Variants in PDS5B observed in about 807,000 individuals in gnomAD.
PDS5B encodes the protein sister chromatid cohesion protein PDS5 homolog B.
In PDS5B, 51 loss-of-function variants were observed where a neutral mutation model predicts 184.1. That is an observed-to-expected ratio of 0.28 (90% CI 0.22 to 0.35). PDS5B has a LOEUF of 0.35. Among genes scored for constraint, PDS5B ranks in the 10% least tolerant of loss-of-function variants. The pLI is 1.00. For synonymous variants in PDS5B, 566 were observed against 569.2 expected (o/e 0.99, Z 0.08); for missense variants, 1,180 against 1,723.3 (o/e 0.68, Z 5.58).
At chr13:32,658,153 G>T (rs1362812101) in intron 3 of PDS5B, 86 bp from the exon 4 acceptor site, 2 of 699,576 alleles carry the variant, frequency 2.9e-6, no homozygotes, top group Non-Finnish European at 5.0e-6. Flanking sequence ...ATGTACACAT[G>T]AGTGCTGAAT....
intron 10 of PDS5B, among the ~76,000 whole-genome samples, chr13:32,683,021 C>T: frequency 6.8e-6 from 1 of 146,690 alleles, no homozygotes; most frequent in Non-Finnish European, 1.5e-5. Context: ...AAAAAACTTT[C>T]TTTTTTTTTT....
chr13:32,688,438 T>A lies in PDS5B; in HGVS notation c.1356-18T>A, dbSNP rs1248085480. The A allele has an allele frequency of 7.7e-7, 1 of 1,295,716 alleles. No individual in the cohort carries two copies. Among genetic ancestry groups the A allele is most frequent in the African/African-American group, 1.5e-5 (1 of 67,440 alleles). 80.3% of individuals were successfully genotyped at this position (1,295,716 alleles called of 1,614,324 possible). A position where few individuals can be genotyped will look rare whatever the true frequency, so the allele number is the denominator to read the frequency against. On this transcript the variant is annotated intron_variant, in intron 12 of 34. Coordinates refer to ENST00000315596, the MANE Select transcript of PDS5B (RefSeq NM_015032.4). ...ATTAGAAAAAAATCAATACAATGCC[T>A]TCTCTGCTTTTTTGTAGACTACTTG...
intron 31 of PDS5B, among the ~76,000 whole-genome samples, chr13:32,769,294 C>T (rs910775762): frequency 2.0e-5 from 3 of 152,190 alleles, no homozygotes; most frequent in Admixed American, 6.5e-5. Flanking sequence ...ATACAGGAAG[C>T]TCAATTTAAA....
At chr13:32,735,844 G>C (rs1953311950) in intron 21 of PDS5B, among the ~76,000 whole-genome samples, 1 of 152,070 alleles carries the variant, frequency 6.6e-6, no homozygotes, top group Non-Finnish European at 1.5e-5. Flanking sequence ...ATGAGATAAA[G>C]TTTTTCCTCC....
At chr13:32,660,086 G>C (rs1392107392) in intron 6 of PDS5B, among the ~76,000 whole-genome samples, 1 of 151,860 alleles carries the variant, frequency 6.6e-6, no homozygotes, top group Non-Finnish European at 1.5e-5. Context: ...CTGGTGTGCT[G>C]TGGGTTCCTA....
At chr13:32,636,686 T>C (rs2058566317) in intron 1 of PDS5B, among the ~76,000 whole-genome samples, 5 of 152,272 alleles carry the variant, frequency 3.3e-5, no homozygotes, top group African/African-American at 1.2e-4. Context: ...TAACCTGCAT[T>C]GTGTTATGCA....
At chr13:32,661,821 T>C (rs1950657966) in intron 6 of PDS5B, among the ~76,000 whole-genome samples, 1 of 152,182 alleles carries the variant, frequency 6.6e-6, no homozygotes, top group Non-Finnish European at 1.5e-5. Context: ...CTAAACTGAT[T>C]ACTGACTTCT....
intron 7 of PDS5B, among the ~76,000 whole-genome samples, chr13:32,672,354 C>T (rs949137710): frequency 3.3e-5 from 5 of 152,018 alleles, no homozygotes; most frequent in Non-Finnish European, 7.4e-5. Context: ...TCTAGAGAAA[C>T]AGCCAATATT....
chr13:32,642,083 G>C (rs1015075522), intron 1 of PDS5B, among the ~76,000 whole-genome samples: 1 of 152,180 alleles, frequency 6.6e-6, no homozygotes, highest in Non-Finnish European at 1.5e-5. Flanking sequence ...TCATTCGTAA[G>C]TCGTTGAATC....
chr13:32,680,849 A>G (rs982397204), intron 10 of PDS5B, among the ~76,000 whole-genome samples: 1 of 151,948 alleles, frequency 6.6e-6, no homozygotes, highest in African/African-American at 2.4e-5. Context: ...CTGATTTTGA[A>G]TTTTTTTTAT....
Position 32,775,975 on chromosome 13 carries a change from A to G in PDS5B, c.*923A>G, listed in dbSNP as rs1018761991. 2 of 193,204 alleles carry G rather than the reference A, an allele frequency of 1.0e-5. No homozygotes were observed. Among genetic ancestry groups the G allele is most frequent in the African/African-American group, 4.8e-5 (2 of 41,930 alleles). The allele number at this position is 193,204 out of a possible 1,614,324, so 12.0% of individuals were successfully genotyped here. Reference sequence around the variant, plus strand: ...TTGAACGTTATGTTCAGAAAATGCAAATTACACTATAATATAAAACCTGAT... The same window carrying G: ...TTGAACGTTATGTTCAGAAAATGCAGATTACACTATAATATAAAACCTGAT... On this transcript the variant is annotated 3_prime_UTR_variant, in exon 35 of 35. Coordinates refer to ENST00000315596, the MANE Select transcript of PDS5B (RefSeq NM_015032.4).
intron 1 of PDS5B, among the ~76,000 whole-genome samples, chr13:32,640,916 G>T (rs2058651030): frequency 1.3e-5 from 2 of 151,888 alleles, no homozygotes; most frequent in Admixed American, 1.3e-4. Flanking sequence ...AATTAGCCAG[G>T]CGTGGTGGCG....
chr13:32,773,060 G>C (rs780844761), intron 33 of PDS5B, 129 bp from the exon 34 acceptor site: 18 of 703,240 alleles, frequency 2.6e-5, no homozygotes, highest in Admixed American at 2.4e-4. Context: ...TTAAAGAAAT[G>C]TTCTTGTCTC....
chr13:32,709,916 T>A, intron 18 of PDS5B, 30 bp from the exon 19 acceptor site: 1 of 1,273,116 alleles, frequency 7.9e-7, no homozygotes, highest in Non-Finnish European at 1.0e-6. Flanking sequence ...GAAAAAGTTT[T>A]ACAAATCATT....
At chr13:32,653,029 G>A (rs150819993) in intron 3 of PDS5B, among the ~76,000 whole-genome samples, 1,996 of 151,992 alleles carry the variant, frequency 0.013, 28 homozygotes, top group South Asian at 0.062. Context: ...GTCTGGGTGC[G>A]GTGGCTCACA....
intron 19 of PDS5B, among the ~76,000 whole-genome samples, chr13:32,711,753 A>G (rs1325580540): frequency 6.6e-6 from 1 of 152,184 alleles, no homozygotes; most frequent in African/African-American, 2.4e-5. Flanking sequence ...GTTTGGTTGT[A>G]TGTATGTGTA....
Position 32,624,681 on chromosome 13 carries a change from A to G in PDS5B, c.-19-24073A>G, listed in dbSNP as rs79930536. Reference sequence around the variant, plus strand: ...ATGTTTTGTTGAGCTTGGTATGTGGAAAATTTGGGTGCCTAAACTGAGGAA... The same window carrying G: ...ATGTTTTGTTGAGCTTGGTATGTGGGAAATTTGGGTGCCTAAACTGAGGAA... On this transcript the variant is annotated intron_variant, in intron 1 of 34. Coordinates refer to ENST00000315596, the MANE Select transcript of PDS5B (RefSeq NM_015032.4). Among the ~76,000 whole-genome samples the G allele has an allele frequency of 4.4e-3, 664 of 152,202 alleles. 6 individuals carry two copies. Among genetic ancestry groups the G allele is most frequent in the African/African-American group, 0.015 (640 of 41,522 alleles).
In PDS5B at chr13:32,695,784, G is replaced by T. The variant is rs772506380; in HGVS notation, c.1552-1070G>T. Among the ~76,000 whole-genome samples, 31 of 152,002 alleles carry T rather than the reference G, an allele frequency of 2.0e-4. 1 individual carries two copies. The highest frequency in any genetic ancestry group is 6.8e-3 in the Middle Eastern group (2 of 292). ...TTGCCTGTTGTTAAAAATTGGGAGG[G>T]TCTTAGACTTTCCTGCTGAGTCATA... On this transcript the variant is annotated intron_variant, in intron 14 of 34. Transcript: ENST00000315596.
chr13:32,630,329 C>T (rs1032253232), intron 1 of PDS5B, among the ~76,000 whole-genome samples: 1 of 152,080 alleles, frequency 6.6e-6, no homozygotes, highest in Non-Finnish European at 1.5e-5. Context: ...GGTGATTTTG[C>T]CCTGCAGGGG....
Sources: gnomAD v4.1 joint callset for allele counts (sites outside exome capture counted in the v4.1 genomes callset) on GRCh38, gnomAD v4.1.1 for gene constraint, MANE v1.5 for transcripts, NCBI Gene and HGNC (gene_info 2026-07-23, HGNC 2026-07-21) for gene names.